The following RFFL variants were observed in gnomAD, a reference collection of about 807,000 sequenced individuals.
RFFL encodes E3 ubiquitin-protein ligase rififylin.
In RFFL, 16 loss-of-function variants were observed where a neutral mutation model predicts 40.4. That is an observed-to-expected ratio of 0.40 (90% CI 0.27 to 0.60). The LOEUF (loss-of-function observed/expected upper bound fraction) is 0.60. Ranked by LOEUF, RFFL falls within the 20% of genes least tolerant of loss-of-function variation. The pLI is 0.47. For synonymous variants in RFFL, 154 were observed against 167.9 expected (o/e 0.92, Z 0.64); for missense variants, 367 against 451.7 (o/e 0.81, Z 1.70).
intron 1 of RFFL, among the ~76,000 whole-genome samples, chr17:35,047,150 A>G (rs2091204173): frequency 6.6e-6 from 1 of 152,196 alleles, no homozygotes. Flanking sequence ...TGCTTTCACA[A>G]GATATTATCA....
chr17:35,066,197 CTTTT>C (rs1334260149), upstream of RFFL, among the ~76,000 whole-genome samples: 2 of 152,096 alleles, frequency 1.3e-5, no homozygotes, highest in Non-Finnish European at 2.9e-5. Context: ...ACTATTTATG[CTTTT>C]TTTAATAGGG....
intron 1 of RFFL, among the ~76,000 whole-genome samples, chr17:35,085,954 C>T (rs75917128): frequency 9.2e-4 from 140 of 152,212 alleles, no homozygotes; most frequent in African/African-American, 3.1e-3. Flanking sequence ...TAGCTATGAC[C>T]GCTGTCCTGA....
intron 1 of RFFL, among the ~76,000 whole-genome samples, chr17:35,032,220 G>A: frequency 6.6e-6 from 1 of 152,158 alleles, no homozygotes; most frequent in South Asian, 2.1e-4. Context: ...TCCCTGGTAA[G>A]GAACCTGGAC....
intron 1 of RFFL, among the ~76,000 whole-genome samples, chr17:35,038,000 T>C (rs1356587164): frequency 6.6e-6 from 1 of 151,884 alleles, no homozygotes; most frequent in African/African-American, 2.4e-5. Context: ...AAAGAGCAAC[T>C]GGAGCAGACG....
At chr17:35,085,914 G>A (rs186097821) in intron 1 of RFFL, among the ~76,000 whole-genome samples, 8 of 152,278 alleles carry the variant, frequency 5.3e-5, no homozygotes, top group African/African-American at 1.7e-4. Flanking sequence ...AAAGGATAAT[G>A]GGTTTAAACT....
At chr17:35,049,585 T>TA (rs2091220009) in intron 1 of RFFL, among the ~76,000 whole-genome samples, 1 of 152,190 alleles carries the variant, frequency 6.6e-6, no homozygotes, top group African/African-American at 2.4e-5. Context: ...ATTACTTACT[T>TA]AATCTCTTCT....
intron 1 of RFFL, among the ~76,000 whole-genome samples, chr17:35,085,203 G>C (rs1375505694): frequency 6.6e-6 from 1 of 151,956 alleles, no homozygotes; most frequent in Non-Finnish European, 1.5e-5. Context: ...TACTCAAAAG[G>C]CTAAAGCTGC....
At chr17:35,027,593 G>A (rs912694570) in intron 1 of RFFL, among the ~76,000 whole-genome samples, 3 of 151,762 alleles carry the variant, frequency 2.0e-5, no homozygotes, top group Non-Finnish European at 4.4e-5. Flanking sequence ...GTGTGGTGGC[G>A]CATGCCTGAA....
chr17:35,051,673 G>A (rs1389814272), intron 1 of RFFL, among the ~76,000 whole-genome samples: 5 of 152,136 alleles, frequency 3.3e-5, no homozygotes, highest in African/African-American at 4.8e-5. Flanking sequence ...ACAAAACTTC[G>A]AATATGAGGG....
At chr17:35,029,145 A>C (rs1041124107) in intron 1 of RFFL, among the ~76,000 whole-genome samples, 3 of 151,876 alleles carry the variant, frequency 2.0e-5, no homozygotes, top group Admixed American at 1.3e-4. Context: ...CAGGAGAGGA[A>C]CTTAGTTCCC....
chr17:35,072,280 C>CAA (rs373207024), intron 1 of RFFL, among the ~76,000 whole-genome samples: 5 of 69,976 alleles, frequency 7.1e-5, no homozygotes, highest in Non-Finnish European at 6.1e-5. Context: ...GACACTGTCT[C>CAA]AAAAAAAAAA....
At chr17:35,082,465 G>A (rs138075656) in intron 1 of RFFL, among the ~76,000 whole-genome samples, 2 of 152,300 alleles carry the variant, frequency 1.3e-5, no homozygotes, top group East Asian at 1.9e-4. Context: ...GTAACTCTGG[G>A]TACATGCCAA....
At chr17:35,061,932 G>A (rs1269261432) in intron 1 of RFFL, among the ~76,000 whole-genome samples, 1 of 151,666 alleles carries the variant, frequency 6.6e-6, no homozygotes, top group East Asian at 2.0e-4. Context: ...TGCCCACCTC[G>A]GCCTCCCAAA....
chr17:35,066,638 ACT>A (rs2091322179), upstream of RFFL, among the ~76,000 whole-genome samples: 2 of 151,974 alleles, frequency 1.3e-5, no homozygotes, highest in Admixed American at 1.3e-4. Context: ...CTCTCTTCAC[ACT>A]CTTTCCTCTC....
At chr17:35,032,361 A>ATACT (rs1201613298) in intron 1 of RFFL, among the ~76,000 whole-genome samples, 1 of 152,012 alleles carries the variant, frequency 6.6e-6, no homozygotes, top group East Asian at 1.9e-4. Context: ...TTGCTGCAGT[A>ATACT]GAGAGGCAAG....
chr17:35,041,818 A>T (rs538969729), intron 1 of RFFL, among the ~76,000 whole-genome samples: 1 of 152,234 alleles, frequency 6.6e-6, no homozygotes, highest in African/African-American at 2.4e-5. Flanking sequence ...GGAGTTCAAG[A>T]CCAGCCTAGA....
chr17:35,028,338 G>A (rs1450176749), intron 1 of RFFL, among the ~76,000 whole-genome samples: 1 of 151,164 alleles, frequency 6.6e-6, no homozygotes, highest in African/African-American at 2.4e-5. Flanking sequence ...GTGAGACCTT[G>A]TCTCAAAAAA....
chr17:35,073,402 A>G (rs2091360658), intron 1 of RFFL, among the ~76,000 whole-genome samples: 1 of 152,232 alleles, frequency 6.6e-6, no homozygotes, highest in Non-Finnish European at 1.5e-5. Flanking sequence ...TAGACAAATA[A>G]GTTGTGAAAG....
chr17:35,022,010 C>G (rs2091012146), intron 2 of RFFL, among the ~76,000 whole-genome samples: 1 of 152,228 alleles, frequency 6.6e-6, no homozygotes, highest in Admixed American at 6.5e-5. Context: ...GTACAGGACA[C>G]TTCACATTTA....
Sources: gnomAD v4.1 joint callset for allele counts (sites outside exome capture counted in the v4.1 genomes callset) on GRCh38, gnomAD v4.1.1 for gene constraint, MANE v1.5 for transcripts, NCBI Gene and HGNC (gene_info 2026-07-23, HGNC 2026-07-21) for gene names.